The following PEX3 variants were observed in gnomAD, a reference collection of about 807,000 sequenced individuals.
PEX3 encodes peroxin-3.
Under a neutral mutation model 55.8 loss-of-function variants are expected in PEX3, and 30 were observed. That is an observed-to-expected ratio of 0.54 (90% CI 0.40 to 0.73). The LOEUF (loss-of-function observed/expected upper bound fraction) is 0.73, where lower values mean the gene tolerates loss of function less well. Ranked by LOEUF, PEX3 falls within the 30% of genes least tolerant of loss-of-function variation. The probability of loss-of-function intolerance (pLI) is 0.00; values close to 1 mark genes in which losing one functional copy is unlikely to be tolerated. For synonymous variants in PEX3, 135 were observed against 148.4 expected, an observed-to-expected ratio of 0.91 and a Z score of 0.66; for missense variants, 351 against 432.8, an observed-to-expected ratio of 0.81 and a Z score of 1.68.
At chr6:143,456,095 A>G (rs1779841857) in intron 1 of PEX3, among the ~76,000 whole-genome samples, 2 of 152,218 alleles carry the variant, frequency 1.3e-5, no homozygotes, top group South Asian at 4.1e-4. Flanking sequence ...AAATATTTTC[A>G]TTGTTAATAC....
intron 9 of PEX3, among the ~76,000 whole-genome samples, chr6:143,478,370 A>T (rs779124018): frequency 8.5e-5 from 13 of 152,090 alleles, no homozygotes; most frequent in Non-Finnish European, 1.8e-4. Flanking sequence ...TGACTTGTGC[A>T]TTTAAAATGG....
At chr6:143,468,751 T>A (rs913250845) in intron 4 of PEX3, among the ~76,000 whole-genome samples, 1 of 150,792 alleles carries the variant, frequency 6.6e-6, no homozygotes, top group Non-Finnish European at 1.5e-5. Context: ...CATGTTGGTG[T>A]GCTGCACCCA....
At position 143,490,586 on chromosome 6, in the gene PEX3, TG is replaced by T. The variant is rs1288786130; in HGVS notation, c.*1362del. The stretch of plus-strand genomic sequence containing the variant: ...ATGTCTTCACCAAGGGATATGGATT[TG>T]GCTTAATAAAACCTGATTTGAAAAC... On this transcript the variant is annotated 3_prime_UTR_variant, in exon 12 of 12. Coordinates refer to ENST00000367591, the MANE Select transcript of PEX3 (RefSeq NM_003630.3). The surrounding 1 kb of genome is among the most constrained non-coding windows in gnomAD (Gnocchi z 6.0). The T allele has an allele frequency of 9.3e-6, 8 of 857,320 alleles. No homozygotes were observed. Among genetic ancestry groups the T allele is most frequent in the African/African-American group, 1.8e-5 (1 of 56,956 alleles). The allele number at this position is 857,320 out of a possible 1,614,324, so 53.1% of individuals were successfully genotyped here.
rs138851125 is a variant in PEX3 at position 143,475,780 on chromosome 6, A to T, written c.818+924A>T. On this transcript the variant is annotated intron_variant, in intron 9 of 11. Transcript: ENST00000367591. The surrounding 1 kb of genome is among the most constrained non-coding windows in gnomAD (Gnocchi z 4.4). ...CTTTACTATGCTAGTAGTTAAAGCC[A>T]AATGTATAGCCCTAGTCCTCCACCC... Among the ~76,000 whole-genome samples, 9 of 152,236 alleles carry T rather than the reference A, an allele frequency of 5.9e-5. No homozygotes were observed. Among genetic ancestry groups the T allele is most frequent in the African/African-American group, 2.2e-4 (9 of 41,462 alleles).
In PEX3 at chr6:143,486,759, A is replaced by G. The variant is rs188381265; in HGVS notation, c.1038+1511A>G. 3.9e-5 allele frequency among the ~76,000 whole-genome samples: 6 copies of G among 152,248 alleles called. No homozygotes were observed. The East Asian group carries it at 7.7e-4, about 20-fold the overall frequency. ...AATTACTGCTACTACTTCAACTACAATGGTGTGTAGGAGAGCCTATGGTGG... is the reference window on the plus strand; with the variant it reads ...AATTACTGCTACTACTTCAACTACAGTGGTGTGTAGGAGAGCCTATGGTGG... On this transcript the variant is annotated intron_variant, in intron 11 of 11. Transcript: ENST00000367591. The surrounding 1 kb of genome is among the most constrained non-coding windows in gnomAD (Gnocchi z 5.0).
chr6:143,473,483 A>C (rs942407771), intron 8 of PEX3, among the ~76,000 whole-genome samples: 1 of 152,214 alleles, frequency 6.6e-6, no homozygotes. Flanking sequence ...GAAGAGAGAA[A>C]TGATGGACCA....
Position 143,451,345 on chromosome 6 carries a change from C to G in PEX3, c.73+230C>G, listed in dbSNP as rs1471925894. 6.6e-6 allele frequency among the ~76,000 whole-genome samples: 1 copy of G among 152,108 alleles called. No homozygotes were observed. The highest frequency in any genetic ancestry group is 1.5e-5 in the Non-Finnish European group (1 of 68,020). ...CACCGACTCTTAACTCTGTTTCTCA[C>G]CTATCCTTTTTTCTCACGGACCTTT... On this transcript the variant is annotated intron_variant, in intron 1 of 11. Coordinates refer to ENST00000367591, the MANE Select transcript of PEX3 (RefSeq NM_003630.3). The surrounding 1 kb of genome is among the most constrained non-coding windows in gnomAD (Gnocchi z 4.1).
intron 10 of PEX3, among the ~76,000 whole-genome samples, chr6:143,484,288 G>A (rs972096706): frequency 2.0e-5 from 3 of 152,046 alleles, no homozygotes; most frequent in African/African-American, 7.3e-5. Flanking sequence ...TATTGCTGTA[G>A]TCCAGGCAAG....
At chr6:143,470,606 A>G (rs1019799555) in intron 4 of PEX3, among the ~76,000 whole-genome samples, 4 of 151,970 alleles carry the variant, frequency 2.6e-5, no homozygotes, top group Non-Finnish European at 5.9e-5. Context: ...GTTCTTCCAC[A>G]CTCAGCCTTC....
rs756110459 is a variant in PEX3, at chr6:143,462,971, G to C, written c.261G>C (p.Glu87Asp). Residue 87 changes from glutamate to aspartate, a missense_variant, in exon 3 of 12, where the codon GAG becomes GAC. Transcript: ENST00000367591. This position sits in a 1 kb window ranked among gnomAD's most constrained non-coding sequence, Gnocchi z 4.1. ...REALMQQLNS[E>D]SLTALLKNRP... ...CCTTAATGCAGCAACTGAATTCCGAGAGCCTCACAGCTCTGCTAAAAAACA... is the reference window on the plus strand; with the variant it reads ...CCTTAATGCAGCAACTGAATTCCGACAGCCTCACAGCTCTGCTAAAAAACA... 6.2e-7 allele frequency: 1 copy of C among 1,613,604 alleles called. No homozygotes were observed. The highest frequency in any genetic ancestry group is 1.7e-5 in the Admixed American group (1 of 59,980).
At chr6:143,484,015 C>G (rs930796339) in intron 10 of PEX3, among the ~76,000 whole-genome samples, 3 of 151,974 alleles carry the variant, frequency 2.0e-5, no homozygotes, top group African/African-American at 7.2e-5. Context: ...CTTTTTTAAG[C>G]ATTGCCTCAA....
rs752462850 is a variant in PEX3, at chr6:143,465,487, C to T, written c.287+2490C>T. ...TGTCGCCCAAGCTGGAGTACAGTGG[C>T]ACAATCATGGCTCACTACTAAGCAC... is the stretch of plus-strand genomic sequence containing the variant. On this transcript the variant is annotated intron_variant, in intron 3 of 11. Transcript: ENST00000367591. This position sits in a 1 kb window ranked among gnomAD's most constrained non-coding sequence, Gnocchi z 4.7. 1.2e-4 allele frequency among the ~76,000 whole-genome samples: 18 copies of T among 151,804 alleles called. No homozygotes were observed. The highest frequency in any genetic ancestry group is 2.5e-4 in the Non-Finnish European group (17 of 67,832).
rs1780258301 is a variant in PEX3 at position 143,482,764 on chromosome 6, T to C, written c.942-2388T>C. ...TATATGTTGGTAAGACGAATAACAA[T>C]TAGTCATTTTACAATGACTAATAAA... On this transcript the variant is annotated intron_variant, in intron 10 of 11. Coordinates refer to ENST00000367591, the MANE Select transcript of PEX3 (RefSeq NM_003630.3). The surrounding 1 kb of genome is among the most constrained non-coding windows in gnomAD (Gnocchi z 5.5). 6.6e-6 allele frequency among the ~76,000 whole-genome samples: 1 copy of C among 152,058 alleles called. No homozygotes were observed. Among genetic ancestry groups the C allele is most frequent in the Admixed American group, 6.6e-5 (1 of 15,254 alleles).
At chr6:143,477,227 A>T (rs768844734) in intron 9 of PEX3, among the ~76,000 whole-genome samples, 9 of 152,156 alleles carry the variant, frequency 5.9e-5, no homozygotes, top group African/African-American at 9.7e-5. Flanking sequence ...TCTGAGAAAT[A>T]GACAGTATTT....
At chr6:143,470,429 C>A (rs1201663756) in intron 4 of PEX3, among the ~76,000 whole-genome samples, 1 of 152,184 alleles carries the variant, frequency 6.6e-6, no homozygotes, top group Non-Finnish European at 1.5e-5. Flanking sequence ...CATTTTCCTT[C>A]TGCTAGGACT....
chr6:143,451,273 T>C lies in PEX3; in HGVS notation c.73+158T>C, dbSNP rs142888216. Among the ~76,000 whole-genome samples, 271 of 152,126 alleles carry C rather than the reference T, an allele frequency of 1.8e-3. 5 individuals are homozygous for C. In the East Asian group the frequency reaches 0.048, roughly 27 times the overall value. ...AAGGGAGGTGGCCAACCTCCAGGGT[T>C]CTCCCATCTCTGCAGTTGAGAAATG... On this transcript the variant is annotated intron_variant, in intron 1 of 11. Coordinates refer to ENST00000367591, the MANE Select transcript of PEX3 (RefSeq NM_003630.3). This position sits in a 1 kb window ranked among gnomAD's most constrained non-coding sequence, Gnocchi z 4.1.
Position 143,459,596 on chromosome 6 carries a change from A to G in PEX3, c.205+380A>G, listed in dbSNP as rs554715515. 2.0e-5 allele frequency among the ~76,000 whole-genome samples: 3 copies of G among 152,182 alleles called. No homozygotes were observed. The highest frequency in any genetic ancestry group is 4.4e-5 in the Non-Finnish European group (3 of 68,024). The stretch of plus-strand genomic sequence containing the variant: ...TGAGGGCTGGAACGTTCTTTAAGAC[A>G]GGGGATCAGTAGAGTCAGGTTTCTT... On this transcript the variant is annotated intron_variant, in intron 2 of 11. Coordinates refer to ENST00000367591, the MANE Select transcript of PEX3 (RefSeq NM_003630.3). This position sits in a 1 kb window ranked among gnomAD's most constrained non-coding sequence, Gnocchi z 4.2.
In PEX3 at chr6:143,475,620, C is replaced by T. The variant is rs1780140997; in HGVS notation, c.818+764C>T. ...GGTGAGCCGTGATTGCACCACTGTA[C>T]TCCAGCCTGGGCAACAGAGTAAGAT... On this transcript the variant is annotated intron_variant, in intron 9 of 11. Transcript: ENST00000367591. This position sits in a 1 kb window ranked among gnomAD's most constrained non-coding sequence, Gnocchi z 4.4. 1.3e-5 allele frequency among the ~76,000 whole-genome samples: 2 copies of T among 152,180 alleles called. No individual in the cohort carries two copies. The highest frequency in any genetic ancestry group is 1.3e-4 in the Admixed American group (2 of 15,284).
chr6:143,452,259 A>G (rs561796441), intron 1 of PEX3, among the ~76,000 whole-genome samples: 1 of 152,368 alleles, frequency 6.6e-6, no homozygotes, highest in Admixed American at 6.5e-5. Flanking sequence ...TCACACATCA[A>G]TAATAAGCAT....
Sources: gnomAD v4.1 joint callset for allele counts (sites outside exome capture counted in the v4.1 genomes callset) on GRCh38, gnomAD v4.1.1 for gene constraint, Gnocchi (gnomAD v3.1) non-coding constraint, MANE v1.5 for transcripts, NCBI Gene and HGNC (gene_info 2026-07-23, HGNC 2026-07-21) for gene names.